Variants in MED17 observed in about 807,000 individuals in gnomAD.
MED17 encodes the protein mediator complex subunit 17.
MED17 carries 49 observed loss-of-function variants against 80.8 expected under a neutral mutation model. The observed-to-expected ratio is 0.61, with a 90% CI of 0.48 to 0.77. The LOEUF is 0.77. Among genes scored for constraint, MED17 ranks in the 30% least tolerant of loss-of-function variants. The pLI is 0.00. For synonymous variants in MED17, 281 were observed against 280.4 expected (o/e 1.00, Z -0.02); for missense variants, 718 against 787.0 (o/e 0.91, Z 1.05).
chr11:93,804,013 A>G (rs1404302345), intron 9 of MED17, among the ~76,000 whole-genome samples: 3 of 22,324 alleles, frequency 1.3e-4, no homozygotes, highest in Admixed American at 1.6e-3. Flanking sequence ...ATATATATAT[A>G]TATATATATA....
rs75382168 is a variant in MED17, at chr11:93,800,006, A to G, written c.1329-1829A>G. 7.9e-4 allele frequency among the ~76,000 whole-genome samples: 121 copies of G among 152,258 alleles called. 1 individual carries two copies. In the East Asian group the frequency reaches 0.022, roughly 27 times the overall value. On this transcript the variant is annotated intron_variant, in intron 8 of 11. Transcript: ENST00000251871. Reference sequence around the variant, plus strand: ...TATTGTATTGTAAATTTTTTCATCTATTTTAATAGCTGTATAATATCCTAT... The same window carrying G: ...TATTGTATTGTAAATTTTTTCATCTGTTTTAATAGCTGTATAATATCCTAT...
At chr11:93,804,404 T>C (rs1382706565) in intron 9 of MED17, among the ~76,000 whole-genome samples, 4 of 152,158 alleles carry the variant, frequency 2.6e-5, no homozygotes, top group Non-Finnish European at 5.9e-5. Context: ...CAGTACTTTG[T>C]ATCCTTCAAT....
intron 3 of MED17, among the ~76,000 whole-genome samples, chr11:93,792,072 G>A (rs1943842563): frequency 2.0e-5 from 1 of 51,090 alleles, no homozygotes; most frequent in South Asian, 8.6e-4. Flanking sequence ...AAGCTGCTGA[G>A]GCAGTCAGCG....
At position 93,797,652 on chromosome 11, in the gene MED17, T is replaced by C; in HGVS notation, c.1261T>C (p.Leu421=). 2 of 1,613,912 alleles carry C rather than the reference T, an allele frequency of 1.2e-6. No individual in the cohort carries two copies. The highest frequency in any genetic ancestry group is 1.7e-6 in the Non-Finnish European group (2 of 1,179,778). The change falls in exon 8 of 12, where the codon TTA becomes CTA. Residue 421 remains leucine (L), a synonymous_variant. Transcript: ENST00000251871. ...TTTTGATAAAAATGAAATTAATTCA[T>C]TACAGTCCAGTGAAGGGCTTCTGGA... ...QAFDKNEINS[L]QSSEGLLEKI...
At chr11:93,804,341 C>G (rs1944002636) in intron 9 of MED17, among the ~76,000 whole-genome samples, 1 of 152,054 alleles carries the variant, frequency 6.6e-6, no homozygotes. Context: ...CCTTTCCCAG[C>G]CCACTGACTT....
chr11:93,792,358 A>G (rs1404894659), intron 3 of MED17, among the ~76,000 whole-genome samples: 4 of 152,252 alleles, frequency 2.6e-5, no homozygotes, highest in Non-Finnish European at 5.9e-5. Context: ...ATTAAAGATG[A>G]CAAGACCATT....
intron 3 of MED17, among the ~76,000 whole-genome samples, chr11:93,791,215 C>A (rs1326071917): frequency 6.6e-6 from 1 of 152,210 alleles, no homozygotes; most frequent in Non-Finnish European, 1.5e-5. Flanking sequence ...AATTTCTGTT[C>A]ATATAAGCCA....
Position 93,790,808 on chromosome 11 carries a change from T to TA in MED17, c.637+20dup. On this transcript the variant is annotated intron_variant, in intron 3 of 11. Coordinates refer to ENST00000251871, the MANE Select transcript of MED17 (RefSeq NM_004268.5). Reference sequence around the variant, plus strand: ...CAGAAGTGCAGGTATGAATAATTATTAAAAACTATACTTTCTGGCCAGGTG... The same window carrying TA: ...CAGAAGTGCAGGTATGAATAATTATTAAAAAACTATACTTTCTGGCCAGGTG... 6.2e-7 allele frequency: 1 copy of TA among 1,607,234 alleles called. No individual in the cohort carries two copies. The highest frequency in any genetic ancestry group is 8.5e-7 in the Non-Finnish European group (1 of 1,174,062).
intron 1 of MED17, among the ~76,000 whole-genome samples, chr11:93,785,307 TG>T (rs1448320034): frequency 1.1e-4 from 16 of 152,182 alleles, no homozygotes; most frequent in Admixed American, 9.8e-4. Context: ...TAAGTAGAGA[TG>T]GTTTTGTTAA....
At chr11:93,804,040 T>C (rs146366509) in intron 9 of MED17, among the ~76,000 whole-genome samples, 5 of 86,594 alleles carry the variant, frequency 5.8e-5, no homozygotes, top group Non-Finnish European at 8.1e-5. Context: ...CACACACATA[T>C]ACACACGCAC....
At chr11:93,810,221 A>G (rs1303045540) in intron 11 of MED17, 1 of 315,096 alleles carries the variant, frequency 3.2e-6, no homozygotes, top group African/African-American at 2.2e-5. Flanking sequence ...TCTGATCCTA[A>G]AAATAGTAAA....
At chr11:93,803,132 A>G (rs1457497424) in intron 9 of MED17, among the ~76,000 whole-genome samples, 2 of 152,136 alleles carry the variant, frequency 1.3e-5, no homozygotes, top group East Asian at 1.9e-4. Flanking sequence ...GGTGTGCACT[A>G]CGATACCCTT....
chr11:93,794,336 C>T, intron 5 of MED17: 1 of 315,132 alleles, frequency 3.2e-6, no homozygotes, highest in Non-Finnish European at 6.0e-6. Context: ...TCCCGAGTAG[C>T]TGGGATTACA....
At chr11:93,784,816 G>T (rs1180957142) in intron 1 of MED17, 53 bp downstream of exon 1, 3 of 1,530,052 alleles carry the variant, frequency 2.0e-6, no homozygotes, top group Admixed American at 3.9e-5. Flanking sequence ...CAGCACCCGC[G>T]CGGGCCTCCG....
chr11:93,795,464 G>A (rs918742961), intron 6 of MED17: 6 of 186,956 alleles, frequency 3.2e-5, no homozygotes, highest in Non-Finnish European at 6.7e-5. Context: ...ACTATGGGAG[G>A]CCGAGGCGGG....
chr11:93,785,306 A>G (rs1943758095), intron 1 of MED17, among the ~76,000 whole-genome samples: 1 of 152,170 alleles, frequency 6.6e-6, no homozygotes, highest in Admixed American at 6.5e-5. Context: ...ATAAGTAGAG[A>G]TGGTTTTGTT....
intron 5 of MED17, 35 bp downstream of exon 5, chr11:93,794,070 TATTTG>T: frequency 6.6e-7 from 1 of 1,517,160 alleles, no homozygotes; most frequent in Admixed American, 1.7e-5. Context: ...TTTCTGGTCT[TATTTG>T]AGCTGACATT....
chr11:93,801,938 T>G lies in MED17; in HGVS notation c.1432T>G (p.Leu478Val). 1 of 1,612,872 alleles carries G rather than the reference T, an allele frequency of 6.2e-7. No individual in the cohort carries two copies. Among genetic ancestry groups the G allele is most frequent in the East Asian group, 2.2e-5 (1 of 44,848 alleles). ...NDVYESSVKV[L>V]ITSQGYEQIC... ...TGTTTATGAATCTAGTGTGAAAGTT[T>G]TAATCACATCACAAGGCTATGAACA... Residue 478 changes from leucine (L) to valine (V), a missense_variant, in exon 9 of 12, where the codon TTA becomes GTA. By Grantham distance (32) the Leu-to-Val change is conservative. Coordinates refer to ENST00000251871, the MANE Select transcript of MED17 (RefSeq NM_004268.5).
chr11:93,793,440 A>C (rs1483463010), intron 3 of MED17: 5 of 323,410 alleles, frequency 1.5e-5, no homozygotes, highest in Non-Finnish European at 2.3e-5. Context: ...ATTTTTATCA[A>C]TACTCCATTG....
Sources: gnomAD v4.1 joint callset for allele counts (sites outside exome capture counted in the v4.1 genomes callset) on GRCh38, gnomAD v4.1.1 for gene constraint, MANE v1.5 for transcripts, NCBI Gene and HGNC (gene_info 2026-07-23, HGNC 2026-07-21) for gene names.